ZEB2: variants seen among roughly 807,000 people sequenced by gnomAD.
ZEB2 encodes zinc finger E-box-binding homeobox 2.
In ZEB2, 6 loss-of-function variants were observed where a neutral mutation model predicts 99.9. The observed-to-expected ratio is 0.06, with a 90% CI of 0.03 to 0.12. ZEB2 has a LOEUF of 0.12. ZEB2 is among the 10% of genes least tolerant of loss of function. ZEB2 has a pLI of 1.00. For missense variants in ZEB2, 969 were observed against 1,502.8 expected (o/e 0.64, Z 5.87); for synonymous variants, 517 against 542.5 (o/e 0.95, Z 0.65).
intron 2 of ZEB2, among the ~76,000 whole-genome samples, chr2:144,487,530 T>C (rs143241532): frequency 3.9e-5 from 6 of 152,238 alleles, no homozygotes; most frequent in East Asian, 1.9e-4. Flanking sequence ...GAATAGAAGA[T>C]ACAAACTTAT....
intron 2 of ZEB2, chr2:144,511,754 A>C (rs755241108): frequency 1.1e-4 from 147 of 1,285,446 alleles, no homozygotes; most frequent in Non-Finnish European, 9.2e-5. Flanking sequence ...CTTAAAAATG[A>C]AAAGGAAAAT....
chr2:144,517,360 C>A lies in ZEB2; in HGVS notation c.-10G>T. 9 of 1,613,656 alleles carry A rather than the reference C, an allele frequency of 5.6e-6. No individual in the cohort carries two copies. Among genetic ancestry groups the A allele is most frequent in the Non-Finnish European group, 7.6e-6 (9 of 1,179,852 alleles). ...TGATCGGCTGCTTCATTGATAAGAG[C>A]GGATCAGATGGCAGTTCGCATGGAC... is the stretch of plus-strand genomic sequence containing the variant. On this transcript the variant is annotated 5_prime_UTR_variant, in exon 2 of 10. Transcript: ENST00000627532.
chr2:144,515,795 C>T (rs1489962107), intron 2 of ZEB2, among the ~76,000 whole-genome samples: 1 of 93,468 alleles, frequency 1.1e-5, no homozygotes, highest in African/African-American at 3.6e-5. Context: ...ACACACAAAA[C>T]CTAGAGAGAG....
At chr2:144,433,296 A>G (rs1703797330) in intron 2 of ZEB2, among the ~76,000 whole-genome samples, 1 of 152,234 alleles carries the variant, frequency 6.6e-6, no homozygotes, top group Non-Finnish European at 1.5e-5. Context: ...AGTAGTCTTC[A>G]GAGGAATTAA....
chr2:144,497,201 C>A (rs1017744955), intron 2 of ZEB2, among the ~76,000 whole-genome samples: 4 of 152,150 alleles, frequency 2.6e-5, no homozygotes, highest in African/African-American at 9.7e-5. Context: ...CCCTCACCAC[C>A]TTCTCCCAGA....
chr2:144,406,336 A>G (rs1437753994), intron 4 of ZEB2, among the ~76,000 whole-genome samples: 1 of 152,240 alleles, frequency 6.6e-6, no homozygotes, highest in East Asian at 1.9e-4. Flanking sequence ...TCGGGAAGCC[A>G]TGAGAGAGAT....
intron 4 of ZEB2, among the ~76,000 whole-genome samples, chr2:144,422,658 G>C (rs935417598): frequency 6.6e-6 from 1 of 152,050 alleles, no homozygotes; most frequent in African/African-American, 2.4e-5. Context: ...AAATTAGCCG[G>C]GCATGGTGGT....
chr2:144,405,086 A>G, intron 4 of ZEB2, 62 bp from the exon 5 acceptor site: 1 of 1,534,286 alleles, frequency 6.5e-7, no homozygotes, highest in Non-Finnish European at 8.9e-7. Flanking sequence ...TCCCAAGTCC[A>G]TCTCCATCAT....
chr2:144,479,688 G>GGC (rs2149913317), intron 2 of ZEB2, among the ~76,000 whole-genome samples: 1 of 111,424 alleles, frequency 9.0e-6, no homozygotes, highest in African/African-American at 3.2e-5. Context: ...TTTTTTGGGG[G>GGC]GGGGGGCGGG....
chr2:144,477,173 T>C (rs138127559), intron 2 of ZEB2, among the ~76,000 whole-genome samples: 19 of 152,294 alleles, frequency 1.2e-4, no homozygotes, highest in Middle Eastern at 6.8e-3. Flanking sequence ...CCAGATAAAA[T>C]ATAATGTTGT....
intron 2 of ZEB2, among the ~76,000 whole-genome samples, chr2:144,438,476 G>A (rs1573750698): frequency 6.6e-6 from 1 of 151,890 alleles, no homozygotes; most frequent in South Asian, 2.1e-4. Flanking sequence ...GAAGTAGGGG[G>A]GCTGGAGATC....
chr2:144,510,879 A>T (rs994811276), intron 2 of ZEB2, among the ~76,000 whole-genome samples: 1 of 152,212 alleles, frequency 6.6e-6, no homozygotes, highest in Non-Finnish European at 1.5e-5. Context: ...ATCAGATATG[A>T]AAGGCATTCA....
rs1703117705 is a variant in ZEB2 at position 144,388,954 on chromosome 2, T to C, written c.*497A>G. The stretch of plus-strand genomic sequence containing the variant: ...TTAAGCTGAAAAAAAAAATGGGAAA[T>C]TGATGAATAGCGAAAGGAAAGTACA... On this transcript the variant is annotated 3_prime_UTR_variant, in exon 10 of 10. Coordinates refer to ENST00000627532, the MANE Select transcript of ZEB2 (RefSeq NM_014795.4). The surrounding 1 kb of genome is among the most constrained non-coding windows in gnomAD (Gnocchi z 5.4). The C allele has an allele frequency of 6.7e-6, 3 of 446,340 alleles. No individual in the cohort carries two copies. The highest frequency in any genetic ancestry group is 1.3e-5 in the Non-Finnish European group (3 of 226,600). The allele number at this position is 446,340 out of a possible 1,614,324, so 27.6% of individuals were successfully genotyped here.
intron 2 of ZEB2, chr2:144,516,547 G>A (rs1432631102): frequency 6.6e-6 from 1 of 151,578 alleles, no homozygotes; most frequent in Admixed American, 6.6e-5. Context: ...TCCAGACCAT[G>A]TAGAAACTGC....
Position 144,392,504 on chromosome 2 carries a change from C to T in ZEB2, c.3068-2476G>A, listed in dbSNP as rs114350610. 6.1e-3 allele frequency among the ~76,000 whole-genome samples: 936 copies of T among 152,216 alleles called. 4 individuals are homozygous for T. Among genetic ancestry groups the T allele is most frequent in the Non-Finnish European group, 9.5e-3 (646 of 68,018 alleles). On this transcript the variant is annotated intron_variant, in intron 9 of 9. Coordinates refer to ENST00000627532, the MANE Select transcript of ZEB2 (RefSeq NM_014795.4). Reference sequence around the variant, plus strand: ...GATAATAAACAGTATGCTTATAATACGCATATATTAATCCTGCATTATGAA... The same window carrying T: ...GATAATAAACAGTATGCTTATAATATGCATATATTAATCCTGCATTATGAA...
intron 7 of ZEB2, among the ~76,000 whole-genome samples, chr2:144,400,695 T>C (rs1443312605): frequency 6.6e-6 from 1 of 152,206 alleles, no homozygotes; most frequent in African/African-American, 2.4e-5. Flanking sequence ...GCATCCAACT[T>C]GGTAATAAAA....
intron 2 of ZEB2, among the ~76,000 whole-genome samples, chr2:144,448,015 G>A (rs940078778): frequency 7.2e-5 from 11 of 152,076 alleles, no homozygotes; most frequent in Non-Finnish European, 1.2e-4. Context: ...TGGTTGTGAA[G>A]GTTACATGTA....
At chr2:144,508,430 A>C (rs1317609618) in intron 2 of ZEB2, among the ~76,000 whole-genome samples, 1 of 152,178 alleles carries the variant, frequency 6.6e-6, no homozygotes, top group African/African-American at 2.4e-5. Flanking sequence ...ACAACATAGC[A>C]AACACCTTTA....
At chr2:144,428,812 A>T (rs1293662211) in intron 3 of ZEB2, 1 of 152,152 alleles carries the variant, frequency 6.6e-6, no homozygotes, top group Non-Finnish European at 1.5e-5. Context: ...CAGCCACTTC[A>T]CCTATTTATA....
Sources: allele counts gnomAD v4.1 joint callset (sites outside exome capture counted in the v4.1 genomes callset), GRCh38; gene constraint gnomAD v4.1.1; non-coding constraint Gnocchi (gnomAD v3.1); transcripts MANE v1.5; gene names NCBI Gene and HGNC (gene_info 2026-07-23, HGNC 2026-07-21).